The following ZBTB44 variants were observed in gnomAD, a reference collection of about 807,000 sequenced individuals.
ZBTB44 encodes zinc finger and BTB domain containing 44, also known as zinc finger and BTB domain-containing protein 44.
In ZBTB44, 15 loss-of-function variants were observed where a neutral mutation model predicts 54.0. That is an observed-to-expected ratio of 0.28 (90% CI 0.19 to 0.43). The LOEUF (loss-of-function observed/expected upper bound fraction) is 0.43, where lower values mean the gene tolerates loss of function less well. ZBTB44 is among the 20% of genes least tolerant of loss of function. The pLI is 1.00. For missense variants in ZBTB44, 487 were observed against 707.1 expected (o/e 0.69, Z 3.53); for synonymous variants, 230 against 250.1 (o/e 0.92, Z 0.76).
intron 3 of ZBTB44, 29 bp from the exon 4 acceptor site, chr11:130,238,636 C>G: frequency 6.3e-7 from 1 of 1,592,992 alleles, no homozygotes. Flanking sequence ...AGAAGGCAAC[C>G]AGGCTCTGAT....
chr11:130,252,213 CAAG>C (rs906920586), intron 2 of ZBTB44, among the ~76,000 whole-genome samples: 66 of 152,246 alleles, frequency 4.3e-4, no homozygotes, highest in African/African-American at 1.5e-3. Flanking sequence ...ATCAATGCAA[CAAG>C]AAGAGCTAAC....
intron 1 of ZBTB44, among the ~76,000 whole-genome samples, chr11:130,288,681 T>C (rs1941122107): frequency 6.6e-6 from 1 of 151,982 alleles, no homozygotes; most frequent in South Asian, 2.1e-4. Context: ...GCAGATCACC[T>C]GAGGTCAGGT....
chr11:130,280,618 A>AC (rs537584904), intron 1 of ZBTB44, among the ~76,000 whole-genome samples: 10 of 152,226 alleles, frequency 6.6e-5, no homozygotes, highest in Non-Finnish European at 1.5e-4. Flanking sequence ...CTATGCAGTA[A>AC]CAGAAGAATA....
rs1953772908 is a variant in ZBTB44 at position 130,228,753 on chromosome 11, G to C, written c.*3011C>G. ...TCTAAATGTGGCTAGATTGGCATTT[G>C]GGAAAACAAGGGCCTTTTAATAAAA... On this transcript the variant is annotated 3_prime_UTR_variant, in exon 8 of 8. Transcript: ENST00000357899. 6.6e-6 allele frequency: 1 copy of C among 152,110 alleles called. No homozygotes were observed. Among genetic ancestry groups the C allele is most frequent in the Admixed American group, 6.5e-5 (1 of 15,268 alleles). 9.4% of individuals were successfully genotyped at this position (152,110 alleles called of 1,614,324 possible). A position where few individuals can be genotyped will look rare whatever the true frequency, so the allele number is the denominator to read the frequency against.
Position 130,261,746 on chromosome 11 carries a change from CG to C in ZBTB44, c.127del (p.Arg43GlyfsTer7). ...ITIRVQDKIFRAHKVVLAACS... is the reference protein window; with the variant it reads ...ITIRVQDKIFXAHKVVLAACS... ...AGCTGCTAGTACCACCTTATGTGCC[CG>C]GAAGATTTTGTCCTGGACACGAATA... On this transcript the variant is annotated frameshift_variant, in exon 2 of 8. Transcript: ENST00000357899. LOFTEE classifies it high-confidence loss of function. The surrounding 1 kb of genome is among the most constrained non-coding windows in gnomAD (Gnocchi z 4.8). 6.2e-7 allele frequency: 1 copy of C among 1,613,978 alleles called. No individual in the cohort carries two copies. The highest frequency in any genetic ancestry group is 8.5e-7 in the Non-Finnish European group (1 of 1,179,892).
intron 1 of ZBTB44, among the ~76,000 whole-genome samples, chr11:130,299,014 T>A (rs574482038): frequency 1.3e-3 from 196 of 151,522 alleles, no homozygotes; most frequent in African/African-American, 4.5e-3. Flanking sequence ...CCCTGGGAGG[T>A]GGAGGTTACA....
intron 2 of ZBTB44, among the ~76,000 whole-genome samples, chr11:130,248,217 C>T (rs1022903896): frequency 4.6e-5 from 7 of 152,182 alleles, no homozygotes; most frequent in Non-Finnish European, 7.3e-5. Context: ...CCTTTTCTCC[C>T]TCTCAAATTT....
intron 1 of ZBTB44, among the ~76,000 whole-genome samples, chr11:130,263,594 T>C (rs1345164426): frequency 6.6e-6 from 1 of 152,208 alleles, no homozygotes; most frequent in Admixed American, 6.5e-5. Flanking sequence ...GACATGTGCA[T>C]CGGAGTATTA....
intron 2 of ZBTB44, among the ~76,000 whole-genome samples, chr11:130,242,519 A>G (rs1056457300): frequency 7.1e-6 from 1 of 141,352 alleles, no homozygotes; most frequent in Non-Finnish European, 1.6e-5. Flanking sequence ...CTGATGATCA[A>G]TTCTTTTTGT....
intron 1 of ZBTB44, among the ~76,000 whole-genome samples, chr11:130,308,920 G>T (rs1942428568): frequency 6.6e-6 from 1 of 152,138 alleles, no homozygotes; most frequent in Non-Finnish European, 1.5e-5. Flanking sequence ...TGGGAAAAGG[G>T]TACAGCAAAA....
chr11:130,289,959 G>C (rs767451202), intron 1 of ZBTB44, among the ~76,000 whole-genome samples: 20 of 152,126 alleles, frequency 1.3e-4, no homozygotes, highest in Non-Finnish European at 1.9e-4. Context: ...TCAATGACAG[G>C]ACCAGCTCCA....
chr11:130,259,388 A>G (rs1938682841), intron 2 of ZBTB44, among the ~76,000 whole-genome samples: 1 of 152,246 alleles, frequency 6.6e-6, no homozygotes, highest in Admixed American at 6.5e-5. Flanking sequence ...TGTGGAAGAC[A>G]GTGTGGCGAT....
intron 1 of ZBTB44, among the ~76,000 whole-genome samples, chr11:130,314,028 A>G (rs1394621598): frequency 6.6e-6 from 1 of 151,706 alleles, no homozygotes; most frequent in Non-Finnish European, 1.5e-5. Flanking sequence ...AGGGGAAAGG[A>G]GGAAAAAAAA....
chr11:130,288,663 C>A (rs1383409277), intron 1 of ZBTB44, among the ~76,000 whole-genome samples: 1 of 149,864 alleles, frequency 6.7e-6, no homozygotes, highest in Non-Finnish European at 1.5e-5. Flanking sequence ...TTTGGGAGGC[C>A]GAGGCAGGCA....
At position 130,269,019 on chromosome 11, in the gene ZBTB44, G is replaced by A. The variant is rs538846277; in HGVS notation, c.-56-7090C>T. On this transcript the variant is annotated intron_variant, in intron 1 of 7. Transcript: ENST00000357899. ...AAAAAAAAAAAATCTCGCCAGGCAC[G>A]GTGGCTCATGCCTGTAATCCCAGCA... is the stretch of plus-strand genomic sequence containing the variant. 1.5e-4 allele frequency among the ~76,000 whole-genome samples: 23 copies of A among 151,558 alleles called. No individual in the cohort carries two copies. In the East Asian group the frequency reaches 3.3e-3, roughly 22 times the overall value.
At chr11:130,255,911 A>C (rs367802501) in intron 2 of ZBTB44, among the ~76,000 whole-genome samples, 1,878 of 150,502 alleles carry the variant, frequency 0.012, 24 homozygotes, top group Non-Finnish European at 0.019. Context: ...AAAAAAAAAA[A>C]AAAAAAAAAA....
At position 130,261,356 on chromosome 11, in the gene ZBTB44, G is replaced by T; in HGVS notation, c.518C>A (p.Thr173Asn). The change falls in exon 2 of 8, where the codon ACC becomes AAC. Residue 173 changes from threonine (T) to asparagine (N), a missense_variant. Thr to Asn is a moderately conservative substitution (Grantham distance 65, BLOSUM62 0). This residue lies in a region of ZBTB44 where 277 missense variants were observed against 306.5 expected (regional missense o/e 0.90). Transcript: ENST00000357899. The surrounding 1 kb of genome is among the most constrained non-coding windows in gnomAD (Gnocchi z 4.8). ...VSSECSVVER[T>N]IPVCRESRRK... ...CCGGGATTCTCGGCAGACAGGAATG[G>T]TTCTTTCTACCACACTGCACTCTGA... 6.2e-7 allele frequency: 1 copy of T among 1,613,910 alleles called. No homozygotes were observed. Among genetic ancestry groups the T allele is most frequent in the Non-Finnish European group, 8.5e-7 (1 of 1,179,880 alleles).
At chr11:130,255,675 A>G (rs1386089332) in intron 2 of ZBTB44, among the ~76,000 whole-genome samples, 1 of 152,116 alleles carries the variant, frequency 6.6e-6, no homozygotes, top group African/African-American at 2.4e-5. Flanking sequence ...AAGAAGAGAG[A>G]GAATAATCAA....
intron 1 of ZBTB44, among the ~76,000 whole-genome samples, chr11:130,267,994 C>T (rs942760895): frequency 6.6e-6 from 1 of 150,454 alleles, no homozygotes; most frequent in African/African-American, 2.5e-5. Flanking sequence ...TGCTTGAACC[C>T]GGGAGGTGGA....
Sources: allele counts gnomAD v4.1 joint callset (sites outside exome capture counted in the v4.1 genomes callset), GRCh38; gene constraint gnomAD v4.1.1; regional missense constraint gnomAD v4.1.1; non-coding constraint Gnocchi (gnomAD v3.1); transcripts MANE v1.5; gene names NCBI Gene and HGNC (gene_info 2026-07-23, HGNC 2026-07-21).